TNKS: variants seen among roughly 807,000 people sequenced by gnomAD.
TNKS encodes tankyrase.
Under a neutral mutation model 135.8 loss-of-function variants are expected in TNKS, and 72 were observed. The ratio of observed to expected loss-of-function variants is 0.53; its 90% CI spans 0.44 to 0.64. TNKS has a LOEUF of 0.64. TNKS is among the 30% of genes least tolerant of loss of function. The probability of loss-of-function intolerance (pLI) is 0.00; values close to 1 mark genes in which losing one functional copy is unlikely to be tolerated. For missense variants in TNKS, 1,769 were observed against 1,674.0 expected, an observed-to-expected ratio of 1.06 and a Z score of -0.99; for synonymous variants, 849 against 649.3, an observed-to-expected ratio of 1.31 and a Z score of -4.68.
At chr8:9,606,379 C>G (rs963223772) in intron 2 of TNKS, among the ~76,000 whole-genome samples, 1 of 151,882 alleles carries the variant, frequency 6.6e-6, no homozygotes, top group Non-Finnish European at 1.5e-5. Context: ...CACAAAGTAG[C>G]TAGTTTAACT....
At chr8:9,731,460 CAAAAAAAAAA>C (rs36213271) in intron 14 of TNKS, among the ~76,000 whole-genome samples, 4,248 of 67,880 alleles carry the variant, frequency 0.063, 198 homozygotes, top group African/African-American at 0.18. Context: ...AATTCCATCT[CAAAAAAAAAA>C]AAAAAAAAAA....
At chr8:9,690,190 A>G (rs1281769488) in intron 5 of TNKS, among the ~76,000 whole-genome samples, 1 of 152,218 alleles carries the variant, frequency 6.6e-6, no homozygotes, top group Non-Finnish European at 1.5e-5. Context: ...AGAGCATGCT[A>G]GAAACTCATT....
In TNKS at chr8:9,730,983, G is replaced by C; in HGVS notation, c.2095G>C (p.Val699Leu). 6.2e-7 allele frequency: 1 copy of C among 1,613,996 alleles called. No individual in the cohort carries two copies. ...HFAAGYNRVSVVEYLLHHGAD... is the reference protein window; with the variant it reads ...HFAAGYNRVSLVEYLLHHGAD... ...CGCAGCAGGCTACAACCGCGTGTCT[G>C]TTGTAGAGTACCTGCTACACCACGG... The change falls in exon 14 of 27, where the codon GTT becomes CTT. Residue 699 changes from valine (V) to leucine (L), a missense_variant. Around this residue, in one of 5 missense-constraint regions of TNKS, gnomAD observed 69 missense variants for 120.3 expected, o/e 0.57. Coordinates refer to ENST00000310430, the MANE Select transcript of TNKS (RefSeq NM_003747.3).
At position 9,709,998 on chromosome 8, in the gene TNKS, C is replaced by T. The variant is rs1467548064; in HGVS notation, c.1622C>T (p.Thr541Ile). 1 of 1,613,732 alleles carries T rather than the reference C, an allele frequency of 6.2e-7. No homozygotes were observed. The highest frequency in any genetic ancestry group is 1.3e-5 in the African/African-American group (1 of 74,898). Residue 541 changes from threonine to isoleucine, a missense_variant, in exon 10 of 27, where the codon ACA (threonine) becomes ATA (isoleucine). Transcript: ENST00000310430. ...ASLHPKRKQV[T>I]ELLLRKGANV... ...CTGCATCCCAAACGTAAACAAGTGACAGAATTGTTACTTAGAAAAGGAGCA... is the reference window on the plus strand; with the variant it reads ...CTGCATCCCAAACGTAAACAAGTGATAGAATTGTTACTTAGAAAAGGAGCA...
chr8:9,728,000 C>T (rs1805246400), intron 13 of TNKS, among the ~76,000 whole-genome samples: 1 of 152,164 alleles, frequency 6.6e-6, no homozygotes, highest in Non-Finnish European at 1.5e-5. Context: ...GATTAGGCTT[C>T]CTTTCAGAGC....
At chr8:9,591,244 C>G (rs1798580606) in intron 2 of TNKS, among the ~76,000 whole-genome samples, 1 of 152,060 alleles carries the variant, frequency 6.6e-6, no homozygotes, top group Non-Finnish European at 1.5e-5. Flanking sequence ...TATTTTTTCC[C>G]TAGGTCCATT....
chr8:9,726,325 G>C (rs1469675694), intron 12 of TNKS, among the ~76,000 whole-genome samples: 1 of 152,150 alleles, frequency 6.6e-6, no homozygotes, highest in East Asian at 1.9e-4. Flanking sequence ...GGAAGGTTGA[G>C]GCTACAGTGA....
In TNKS at chr8:9,710,215, G is replaced by A. The variant is rs1221603487; in HGVS notation, c.1744G>A (p.Ala582Thr). ...DVMEVLHKHG[A>T]KMNALDTLGQ... is the part of the protein sequence containing the mutation. Reference sequence around the variant, plus strand: ...CATGGAAGTTCTGCATAAGCATGGCGCCAAGGTGAGGCACACACCTGAGCA... The same window carrying A: ...CATGGAAGTTCTGCATAAGCATGGCACCAAGGTGAGGCACACACCTGAGCA... The change falls in exon 11 of 27, where the codon GCC becomes ACC. Residue 582 changes from alanine to threonine, a missense_variant. Ala to Thr is a moderately conservative substitution (Grantham distance 58). This residue lies in a region of TNKS where 523 missense variants were observed against 541.0 expected (regional missense o/e 0.97). Transcript: ENST00000310430. 4.3e-6 allele frequency: 7 copies of A among 1,614,032 alleles called. No homozygotes were observed. The highest frequency in any genetic ancestry group is 5.1e-6 in the Non-Finnish European group (6 of 1,180,008).
intron 3 of TNKS, among the ~76,000 whole-genome samples, chr8:9,635,173 GA>G (rs35383195): frequency 0.016 from 2,090 of 129,176 alleles, 25 homozygotes; most frequent in African/African-American, 0.042. Context: ...CCGTCTCGGG[GA>G]AAAAAAAAAA....
intron 2 of TNKS, among the ~76,000 whole-genome samples, chr8:9,613,302 A>T: frequency 6.6e-6 from 1 of 152,300 alleles, no homozygotes; most frequent in Non-Finnish European, 1.5e-5. Flanking sequence ...TGCTTTAAAT[A>T]TTATGGTGAG....
At chr8:9,566,114 C>G (rs978687072) in intron 1 of TNKS, 4 of 152,116 alleles carry the variant, frequency 2.6e-5, no homozygotes, top group Non-Finnish European at 5.9e-5. Context: ...CAGGTCTCCT[C>G]TTCCAAATGC....
At chr8:9,732,408 C>A (rs1805490370) in intron 14 of TNKS, among the ~76,000 whole-genome samples, 1 of 152,022 alleles carries the variant, frequency 6.6e-6, no homozygotes, top group African/African-American at 2.4e-5. Flanking sequence ...TACAAGTGCA[C>A]AGTAGAATTA....
At chr8:9,747,132 C>T (rs1219074573) in intron 17 of TNKS, among the ~76,000 whole-genome samples, 1 of 152,084 alleles carries the variant, frequency 6.6e-6, no homozygotes, top group African/African-American at 2.4e-5. Context: ...ATCCGCCCAC[C>T]TCAGCCTCCC....
chr8:9,608,815 T>G (rs1401393245), intron 2 of TNKS, among the ~76,000 whole-genome samples: 1 of 152,190 alleles, frequency 6.6e-6, no homozygotes, highest in African/African-American at 2.4e-5. Flanking sequence ...AGGCAGAGAG[T>G]TGGGTGATTA....
At chr8:9,581,763 A>G (rs1798175580) in intron 2 of TNKS, among the ~76,000 whole-genome samples, 1 of 152,190 alleles carries the variant, frequency 6.6e-6, no homozygotes, top group African/African-American at 2.4e-5. Context: ...CTGCCTCTAC[A>G]TCTGAAGTTT....
intron 20 of TNKS, among the ~76,000 whole-genome samples, chr8:9,758,955 T>A (rs1053488344): frequency 1.3e-5 from 2 of 152,162 alleles, no homozygotes; most frequent in African/African-American, 2.4e-5. Context: ...TGGAGAAGGA[T>A]CCCCTTCCAT....
intron 20 of TNKS, among the ~76,000 whole-genome samples, chr8:9,760,419 C>CA (rs549017048): frequency 4.2e-4 from 64 of 152,152 alleles, no homozygotes; most frequent in African/African-American, 1.4e-3. Flanking sequence ...TTTATTCTGA[C>CA]AAAAAAATCA....
At chr8:9,568,471 C>A (rs11995920) in intron 1 of TNKS, among the ~76,000 whole-genome samples, 37,498 of 151,562 alleles carry the variant, frequency 0.25, 4,825 homozygotes, top group East Asian at 0.39. Flanking sequence ...TGGAGACTTA[C>A]CGTATGAAAA....
chr8:9,739,980 C>T (rs1805844801), intron 17 of TNKS, among the ~76,000 whole-genome samples: 1 of 102,358 alleles, frequency 9.8e-6, no homozygotes, highest in Non-Finnish European at 1.9e-5. Context: ...GGGTGCAGCG[C>T]ACCAGCATGG....
Sources: gnomAD v4.1 joint callset for allele counts (sites outside exome capture counted in the v4.1 genomes callset) on GRCh38, gnomAD v4.1.1 for gene constraint, gnomAD v4.1.1 regional missense constraint, MANE v1.5 for transcripts, NCBI Gene and HGNC (gene_info 2026-07-23, HGNC 2026-07-21) for gene names.